The following SHC3 variants were observed in gnomAD, a reference collection of about 807,000 sequenced individuals.
SHC3 encodes SHC adaptor protein 3.
Under a neutral mutation model 60.4 loss-of-function variants are expected in SHC3, and 15 were observed. The ratio of observed to expected loss-of-function variants is 0.25; its 90% CI spans 0.17 to 0.38. The LOEUF (loss-of-function observed/expected upper bound fraction) is 0.38, where lower values mean the gene tolerates loss of function less well. Among genes scored for constraint, SHC3 ranks in the 10% least tolerant of loss-of-function variants. SHC3 has a pLI of 1.00. For missense variants in SHC3, 677 were observed against 786.1 expected (o/e 0.86, Z 1.66); for synonymous variants, 294 against 325.9 (o/e 0.90, Z 1.05).
At chr9:89,080,755 A>G (rs1274222334) in intron 2 of SHC3, among the ~76,000 whole-genome samples, 29 of 145,442 alleles carry the variant, frequency 2.0e-4, no homozygotes, top group African/African-American at 5.5e-4. Context: ...ATATATATAT[A>G]TATGTATGTA....
chr9:89,039,597 GCAC>G (rs1824640478), intron 10 of SHC3, among the ~76,000 whole-genome samples: 1 of 151,748 alleles, frequency 6.6e-6, no homozygotes, highest in South Asian at 2.1e-4. Flanking sequence ...ACTTTTATTG[GCAC>G]CACCACCACC....
At chr9:89,171,009 C>A (rs1390804218) in intron 1 of SHC3, among the ~76,000 whole-genome samples, 2 of 152,176 alleles carry the variant, frequency 1.3e-5, no homozygotes, top group Admixed American at 6.5e-5. Flanking sequence ...AATTCACTTA[C>A]ATTTTGTCCA....
chr9:89,037,545 G>A (rs958073635), intron 11 of SHC3: 3 of 716,746 alleles, frequency 4.2e-6, no homozygotes, highest in South Asian at 1.5e-5. Flanking sequence ...GAAAACAAGA[G>A]ACTTAGCAAT....
chr9:89,029,168 C>T (rs1195956083), intron 11 of SHC3, among the ~76,000 whole-genome samples: 1 of 151,434 alleles, frequency 6.6e-6, no homozygotes, highest in African/African-American at 2.4e-5. Flanking sequence ...AGGTCTACTC[C>T]CTCAACCAGG....
chr9:89,125,015 T>G (rs1363383400), intron 1 of SHC3, among the ~76,000 whole-genome samples: 3 of 151,972 alleles, frequency 2.0e-5, no homozygotes, highest in Admixed American at 1.3e-4. Context: ...CCCGAGAAAG[T>G]CATCATGTGG....
intron 2 of SHC3, among the ~76,000 whole-genome samples, chr9:89,098,606 C>A (rs569808724): frequency 6.6e-6 from 1 of 152,126 alleles, no homozygotes; most frequent in African/African-American, 2.4e-5. Flanking sequence ...ATCAGGAGAT[C>A]GAGACCATCC....
intron 1 of SHC3, among the ~76,000 whole-genome samples, chr9:89,118,181 G>C (rs1826043221): frequency 6.6e-6 from 1 of 151,462 alleles, no homozygotes; most frequent in African/African-American, 2.4e-5. Context: ...GGTCACCACA[G>C]GGAGTGAGAG....
At chr9:89,111,437 C>T (rs1463889125) in intron 2 of SHC3, among the ~76,000 whole-genome samples, 2 of 152,140 alleles carry the variant, frequency 1.3e-5, no homozygotes, top group Non-Finnish European at 2.9e-5. Context: ...AACCACAGTG[C>T]TGTCTATTCA....
intron 2 of SHC3, among the ~76,000 whole-genome samples, chr9:89,085,653 T>C (rs1013087967): frequency 6.6e-6 from 1 of 152,234 alleles, no homozygotes; most frequent in Non-Finnish European, 1.5e-5. Context: ...CTCCGGGACC[T>C]AATGGTTTCC....
chr9:89,104,251 G>T (rs1825825280), intron 2 of SHC3, among the ~76,000 whole-genome samples: 1 of 152,100 alleles, frequency 6.6e-6, no homozygotes. Context: ...GTTAAAAATA[G>T]AACTCTTAAA....
intron 1 of SHC3, among the ~76,000 whole-genome samples, chr9:89,176,237 C>A (rs1826940740): frequency 6.6e-6 from 1 of 152,210 alleles, no homozygotes; most frequent in Admixed American, 6.5e-5. Context: ...GCTGATGCTG[C>A]CAGTAAGTCA....
At position 89,116,675 on chromosome 9, in the gene SHC3, C is replaced by T. The variant is rs546866394; in HGVS notation, c.475-4049G>A. Among the ~76,000 whole-genome samples the T allele has an allele frequency of 5.3e-5, 8 of 152,210 alleles. No homozygotes were observed. The South Asian group carries it at 1.0e-3, about 20-fold the overall frequency. ...TCCCATGTCACAGCTATGTGAATACCGTGAACAGTATCACTGAGTTATGTA... is the reference window on the plus strand; with the variant it reads ...TCCCATGTCACAGCTATGTGAATACTGTGAACAGTATCACTGAGTTATGTA... On this transcript the variant is annotated intron_variant, in intron 1 of 11. Coordinates refer to ENST00000375835, the MANE Select transcript of SHC3 (RefSeq NM_016848.6).
intron 11 of SHC3, among the ~76,000 whole-genome samples, chr9:89,019,417 T>C (rs1338832718): frequency 2.0e-5 from 3 of 151,536 alleles, no homozygotes; most frequent in Non-Finnish European, 2.9e-5. Context: ...AGTAAGACAG[T>C]AAGATAGAAA....
In SHC3 at chr9:89,032,703, T is replaced by G. The variant is rs149195348; in HGVS notation, c.1656+5290A>C. On this transcript the variant is annotated intron_variant, in intron 11 of 11. Transcript: ENST00000375835. ...GCTTCTCACCACGTTTCCAGTGATC[T>G]CAGTGGACGGTGGGAAGGCACAAAG... is the stretch of plus-strand genomic sequence containing the variant. Among the ~76,000 whole-genome samples the G allele has an allele frequency of 4.5e-3, 689 of 152,304 alleles. 5 individuals carry two copies. The highest frequency in any genetic ancestry group is 0.016 in the African/African-American group (663 of 41,572).
chr9:89,041,925 C>A, intron 10 of SHC3, 101 bp downstream of exon 10: 2 of 1,456,592 alleles, frequency 1.4e-6, no homozygotes, highest in East Asian at 2.4e-5. Flanking sequence ...TAACCAAAAC[C>A]CTACTATCAG....
intron 2 of SHC3, among the ~76,000 whole-genome samples, chr9:89,095,872 T>C (rs1276166664): frequency 1.3e-5 from 2 of 152,268 alleles, no homozygotes; most frequent in East Asian, 1.9e-4. Flanking sequence ...CCTGTAATGA[T>C]AGAATTCCTG....
intron 1 of SHC3, among the ~76,000 whole-genome samples, chr9:89,162,352 G>T (rs189018254): frequency 1.3e-5 from 2 of 152,040 alleles, no homozygotes; most frequent in Non-Finnish European, 2.9e-5. Context: ...ATACTACAAG[G>T]CTACAGTAAC....
intron 5 of SHC3, among the ~76,000 whole-genome samples, chr9:89,069,958 G>T (rs1239017430): frequency 6.6e-6 from 1 of 152,216 alleles, no homozygotes; most frequent in African/African-American, 2.4e-5. Flanking sequence ...AGGTAGAAAA[G>T]TCACAGGGAA....
chr9:89,040,455 G>C (rs914249412), intron 10 of SHC3, among the ~76,000 whole-genome samples: 4 of 152,000 alleles, frequency 2.6e-5, no homozygotes, highest in Non-Finnish European at 5.9e-5. Context: ...GAAATTAACT[G>C]GTGGGAAAAG....
Sources: allele counts gnomAD v4.1 joint callset (sites outside exome capture counted in the v4.1 genomes callset), GRCh38; gene constraint gnomAD v4.1.1; transcripts MANE v1.5; gene names NCBI Gene and HGNC (gene_info 2026-07-23, HGNC 2026-07-21).